Variants in PXDNL observed in about 807,000 individuals in gnomAD.
PXDNL encodes the protein probable oxidoreductase PXDNL.
A neutral mutation model predicts 150.8 loss-of-function variants in PXDNL; 145 were observed. That is an observed-to-expected ratio of 0.96 (90% CI 0.84 to 1.10). PXDNL has a LOEUF of 1.10. PXDNL is among the 50% of genes least tolerant of loss of function. The pLI is 0.00. For missense variants in PXDNL, 2,087 were observed against 1,873.9 expected (o/e 1.11, Z -2.10); for synonymous variants, 757 against 725.7 (o/e 1.04, Z -0.69).
intron 4 of PXDNL, among the ~76,000 whole-genome samples, chr8:51,533,884 T>G (rs1811975914): frequency 6.6e-6 from 1 of 150,844 alleles, no homozygotes; most frequent in Non-Finnish European, 1.5e-5. Flanking sequence ...GTGCCAAGAT[T>G]GCAGCCTCTG....
At chr8:51,592,910 T>G (rs889826981) in intron 2 of PXDNL, among the ~76,000 whole-genome samples, 9 of 152,288 alleles carry the variant, frequency 5.9e-5, no homozygotes, top group Middle Eastern at 3.4e-3. Context: ...TTTATATTCA[T>G]TAAATTACCC....
intron 2 of PXDNL, among the ~76,000 whole-genome samples, chr8:51,599,374 C>T (rs1373568983): frequency 1.3e-5 from 2 of 151,714 alleles, no homozygotes; most frequent in African/African-American, 2.4e-5. Context: ...GCATTTATTG[C>T]TCTCAACTTT....
intron 7 of PXDNL, among the ~76,000 whole-genome samples, chr8:51,472,799 AT>A (rs1356742301): frequency 3.9e-5 from 6 of 152,216 alleles, no homozygotes; most frequent in African/African-American, 1.4e-4. Flanking sequence ...TCCAATAATA[AT>A]TGAGTGGTAA....
intron 2 of PXDNL, among the ~76,000 whole-genome samples, chr8:51,650,712 T>C (rs1815016566): frequency 6.6e-6 from 1 of 152,200 alleles, no homozygotes; most frequent in Non-Finnish European, 1.5e-5. Flanking sequence ...GATAAATTAG[T>C]CTATTAGCCA....
chr8:51,530,735 G>A (rs991328514), intron 4 of PXDNL, among the ~76,000 whole-genome samples: 38 of 151,734 alleles, frequency 2.5e-4, no homozygotes, highest in Admixed American at 2.0e-4. Context: ...GCTCCCTCCA[G>A]GCCTCAGTCC....
At chr8:51,356,947 G>T (rs1806528516) in intron 19 of PXDNL, among the ~76,000 whole-genome samples, 1 of 152,068 alleles carries the variant, frequency 6.6e-6, no homozygotes, top group African/African-American at 2.4e-5. Flanking sequence ...CTGGCTAAAA[G>T]AACAAAAACT....
chr8:51,331,341 C>A (rs1211508834), intron 21 of PXDNL, among the ~76,000 whole-genome samples: 1 of 152,096 alleles, frequency 6.6e-6, no homozygotes, highest in Non-Finnish European at 1.5e-5. Context: ...TCACTGAATC[C>A]CCAAGCAGCC....
intron 17 of PXDNL, among the ~76,000 whole-genome samples, chr8:51,392,659 T>C (rs1218009616): frequency 6.6e-6 from 1 of 152,224 alleles, no homozygotes; most frequent in East Asian, 1.9e-4. Flanking sequence ...TGGGGTTTTC[T>C]AGATATACAA....
intron 5 of PXDNL, among the ~76,000 whole-genome samples, chr8:51,497,757 C>T (rs1456627595): frequency 9.9e-5 from 15 of 152,182 alleles, no homozygotes; most frequent in South Asian, 6.2e-4. Flanking sequence ...GTTAGAATGA[C>T]GATCATTAAA....
intron 4 of PXDNL, among the ~76,000 whole-genome samples, chr8:51,531,124 A>G (rs759563158): frequency 1.4e-4 from 22 of 152,246 alleles, no homozygotes; most frequent in Non-Finnish European, 2.9e-4. Context: ...GAGGGCAGCT[A>G]AAACTTCCAG....
At chr8:51,390,599 C>T (rs1382669014) in intron 17 of PXDNL, among the ~76,000 whole-genome samples, 1 of 152,090 alleles carries the variant, frequency 6.6e-6, no homozygotes, top group Non-Finnish European at 1.5e-5. Flanking sequence ...GCTCTCTTCA[C>T]ACAAAAACAT....
chr8:51,776,893 T>C (rs950986334), intron 1 of PXDNL, among the ~76,000 whole-genome samples: 2 of 152,182 alleles, frequency 1.3e-5, no homozygotes, highest in East Asian at 1.9e-4. Flanking sequence ...GTTCTGGTTT[T>C]AATGCTGTTT....
At chr8:51,502,890 A>G (rs1170729621) in intron 4 of PXDNL, among the ~76,000 whole-genome samples, 2 of 152,190 alleles carry the variant, frequency 1.3e-5, no homozygotes, top group African/African-American at 4.8e-5. Flanking sequence ...TAGAGCAAAG[A>G]GACAATCTAA....
At chr8:51,485,551 G>T (rs566540919) in intron 5 of PXDNL, among the ~76,000 whole-genome samples, 1 of 152,060 alleles carries the variant, frequency 6.6e-6, no homozygotes, top group East Asian at 1.9e-4. Flanking sequence ...CATTTCCCAG[G>T]TGATATTTGA....
At chr8:51,471,864 T>C (rs1232362625) in intron 8 of PXDNL, among the ~76,000 whole-genome samples, 1 of 151,994 alleles carries the variant, frequency 6.6e-6, no homozygotes, top group Non-Finnish European at 1.5e-5. Flanking sequence ...TTTTTTGTAT[T>C]TTTAGTAGAG....
chr8:51,739,952 C>A (rs1438005318), intron 1 of PXDNL, among the ~76,000 whole-genome samples: 2 of 151,232 alleles, frequency 1.3e-5, no homozygotes, highest in Non-Finnish European at 2.9e-5. Context: ...AACACAAAAC[C>A]ATTTACAATC....
chr8:51,690,627 CAT>C (rs1402386714), intron 1 of PXDNL, among the ~76,000 whole-genome samples: 2 of 152,188 alleles, frequency 1.3e-5, no homozygotes, highest in African/African-American at 4.8e-5. Flanking sequence ...CCGCAATAAA[CAT>C]ATGTGTCCAT....
chr8:51,747,244 C>T (rs998488515), intron 1 of PXDNL, among the ~76,000 whole-genome samples: 2 of 152,202 alleles, frequency 1.3e-5, no homozygotes, highest in Non-Finnish European at 2.9e-5. Context: ...GTACCACAGA[C>T]ACACACACCA....
intron 4 of PXDNL, among the ~76,000 whole-genome samples, chr8:51,535,001 A>G (rs1330979167): frequency 1.6e-4 from 17 of 105,256 alleles, no homozygotes; most frequent in Middle Eastern, 6.7e-3. Flanking sequence ...CAGCCGCCCT[A>G]TCCAGGAGGT....
Sources: gnomAD v4.1 joint callset for allele counts (sites outside exome capture counted in the v4.1 genomes callset) on GRCh38, gnomAD v4.1.1 for gene constraint, MANE v1.5 for transcripts, NCBI Gene and HGNC (gene_info 2026-07-23, HGNC 2026-07-21) for gene names.